The following GNG7 variants were observed in gnomAD, a reference collection of about 807,000 sequenced individuals.
GNG7 encodes the protein G protein subunit gamma 7.
In GNG7, 1 loss-of-function variant was observed where a neutral mutation model predicts 4.0. The observed-to-expected ratio is 0.25, with a 90% confidence interval of 0.09 to 1.18. The LOEUF is 1.18. Ranked by LOEUF, GNG7 falls within the 50% of genes most tolerant of loss-of-function variation. GNG7 has a pLI of 0.50. For missense variants in GNG7, 86 were observed against 91.9 expected (o/e 0.94, Z 0.26); for synonymous variants, 34 against 36.9 (o/e 0.92, Z 0.29).
At chr19:2,540,730 C>G (rs1411828139) in intron 3 of GNG7, among the ~76,000 whole-genome samples, 1 of 152,196 alleles carries the variant, frequency 6.6e-6, no homozygotes, top group East Asian at 1.9e-4. Flanking sequence ...AGACTGGCTT[C>G]CCTCCTCCCG....
chr19:2,670,516 C>G (rs1036087404), intron 1 of GNG7, among the ~76,000 whole-genome samples: 1 of 152,244 alleles, frequency 6.6e-6, no homozygotes, highest in Admixed American at 6.5e-5. Context: ...ACGGCCACTG[C>G]GTCCCATGTG....
chr19:2,668,275 C>T (rs191336265), intron 1 of GNG7, among the ~76,000 whole-genome samples: 71 of 151,168 alleles, frequency 4.7e-4, no homozygotes, highest in Admixed American at 1.4e-3. Flanking sequence ...TAGCTACTTA[C>T]GCTAGAAAAT....
Position 2,624,543 on chromosome 19 carries a change from A to AAG in GNG7, c.-78+21680_-78+21681insCT, listed in dbSNP as rs1555698401. ...GACTCCGTCTCAAAAAAAAAAAAAA[A>AAG]AAAGAAAAAGAAAAAAAGAAAAGAA... is the stretch of plus-strand genomic sequence containing the variant. On this transcript the variant is annotated intron_variant, in intron 2 of 4. Coordinates refer to ENST00000382159, the MANE Select transcript of GNG7 (RefSeq NM_052847.3). Among the ~76,000 whole-genome samples, 504 of 151,580 alleles carry AAG rather than the reference A, an allele frequency of 3.3e-3. 8 individuals are homozygous for AAG. Among genetic ancestry groups the AAG allele is most frequent in the African/African-American group, 0.012 (480 of 41,260 alleles).
intron 1 of GNG7, among the ~76,000 whole-genome samples, chr19:2,682,534 G>A (rs1479536663): frequency 2.6e-5 from 4 of 151,132 alleles, no homozygotes; most frequent in Non-Finnish European, 5.9e-5. Flanking sequence ...GTGGTGGCAC[G>A]CACCTGTAGT....
At chr19:2,632,436 A>G (rs1229717616) in intron 2 of GNG7, 1 of 151,772 alleles carries the variant, frequency 6.6e-6, no homozygotes, top group Non-Finnish European at 1.5e-5. Context: ...TCTCAAAAAA[A>G]AAAAAAACAA....
At chr19:2,589,324 G>A (rs1275301262) in intron 2 of GNG7, among the ~76,000 whole-genome samples, 1 of 147,942 alleles carries the variant, frequency 6.8e-6, no homozygotes, top group Non-Finnish European at 1.5e-5. Context: ...CTGGGTTCAA[G>A]TGATTCTCCT....
At chr19:2,604,841 C>A (rs1370470450) in intron 2 of GNG7, among the ~76,000 whole-genome samples, 1 of 152,138 alleles carries the variant, frequency 6.6e-6, no homozygotes, top group Non-Finnish European at 1.5e-5. Flanking sequence ...CCAGTGGCGG[C>A]TTCCCCTCTC....
chr19:2,540,515 G>A (rs1978925077), intron 3 of GNG7, among the ~76,000 whole-genome samples: 1 of 152,226 alleles, frequency 6.6e-6, no homozygotes, highest in Admixed American at 6.6e-5. Context: ...TGTGCAGAGG[G>A]TGGGTGCGTG....
At chr19:2,553,616 CAT>C (rs1458557694) in intron 3 of GNG7, among the ~76,000 whole-genome samples, 11 of 108,960 alleles carry the variant, frequency 1.0e-4, no homozygotes, top group African/African-American at 3.7e-4. Flanking sequence ...TATCATACTA[CAT>C]ACATGCACAC....
intron 2 of GNG7, among the ~76,000 whole-genome samples, chr19:2,582,298 ACT>A (rs757750038): frequency 6.6e-5 from 10 of 152,154 alleles, no homozygotes; most frequent in South Asian, 2.1e-4. Flanking sequence ...GTAAGGGAAC[ACT>A]CTGTACTATT....
chr19:2,539,322 T>TG (rs1422962949), intron 3 of GNG7, among the ~76,000 whole-genome samples: 364 of 140,138 alleles, frequency 2.6e-3, no homozygotes, highest in African/African-American at 9.7e-3. Flanking sequence ...TTTTTTTTTT[T>TG]TGGATGGTGT....
At chr19:2,551,187 C>T (rs1979306874) in intron 3 of GNG7, among the ~76,000 whole-genome samples, 1 of 152,184 alleles carries the variant, frequency 6.6e-6, no homozygotes, top group African/African-American at 2.4e-5. Flanking sequence ...AGGGCAGGCT[C>T]CAGGGACCTC....
At chr19:2,576,535 T>C (rs546829323) in intron 2 of GNG7, among the ~76,000 whole-genome samples, 6 of 151,406 alleles carry the variant, frequency 4.0e-5, no homozygotes, top group African/African-American at 1.5e-4. Context: ...TTTTTTATTT[T>C]ATTATGTATT....
chr19:2,636,283 G>A (rs568668474), intron 2 of GNG7, among the ~76,000 whole-genome samples: 2 of 152,236 alleles, frequency 1.3e-5, no homozygotes, highest in East Asian at 1.9e-4. Flanking sequence ...AGGGGCGCAC[G>A]AGTCTCTAAC....
chr19:2,621,136 T>C (rs1350926308), intron 2 of GNG7, among the ~76,000 whole-genome samples: 1 of 152,064 alleles, frequency 6.6e-6, no homozygotes, highest in Non-Finnish European at 1.5e-5. Context: ...TAAAGCTCAC[T>C]TCCCTTGCAA....
At chr19:2,698,563 C>CA (rs1446931756) in intron 1 of GNG7, among the ~76,000 whole-genome samples, 3 of 145,416 alleles carry the variant, frequency 2.1e-5, no homozygotes, top group Non-Finnish European at 3.0e-5. Flanking sequence ...GACTGTGTTT[C>CA]AAAAAAGAAA....
At chr19:2,524,469 CATGT>C (rs917367178) in intron 3 of GNG7, among the ~76,000 whole-genome samples, 29 of 152,216 alleles carry the variant, frequency 1.9e-4, no homozygotes, top group African/African-American at 6.3e-4. Flanking sequence ...CTTGCGTGTG[CATGT>C]ATGTGTGTAT....
intron 2 of GNG7, among the ~76,000 whole-genome samples, chr19:2,570,066 A>G (rs1245194914): frequency 6.6e-6 from 1 of 151,712 alleles, no homozygotes; most frequent in African/African-American, 2.4e-5. Context: ...GGGGTCCCTC[A>G]TGGCTTGGTG....
At chr19:2,577,139 G>A (rs917620549) in intron 2 of GNG7, among the ~76,000 whole-genome samples, 8 of 152,332 alleles carry the variant, frequency 5.3e-5, no homozygotes, top group African/African-American at 1.4e-4. Flanking sequence ...TCTGTGTTGC[G>A]TAACCAATTG....
Sources: allele counts gnomAD v4.1 joint callset (sites outside exome capture counted in the v4.1 genomes callset), GRCh38; gene constraint gnomAD v4.1.1; transcripts MANE v1.5; gene names NCBI Gene and HGNC (gene_info 2026-07-23, HGNC 2026-07-21).